DIP2B: variants seen among roughly 807,000 people sequenced by gnomAD.
DIP2B encodes disco-interacting protein 2 homolog B.
A neutral mutation model predicts 198.0 loss-of-function variants in DIP2B; 76 were observed. The observed-to-expected ratio is 0.38, with a 90% CI of 0.32 to 0.46. DIP2B has a LOEUF of 0.46. Among genes scored for constraint, DIP2B ranks in the 20% least tolerant of loss-of-function variants. The pLI, the probability that DIP2B is intolerant of heterozygous loss-of-function variation, is 0.99. For synonymous variants in DIP2B, 701 were observed against 739.1 expected, an observed-to-expected ratio of 0.95 and a Z score of 0.84; for missense variants, 1,559 against 1,978.4, an observed-to-expected ratio of 0.79 and a Z score of 4.02.
At chr12:50,674,814 C>T (rs891476526) in intron 6 of DIP2B, among the ~76,000 whole-genome samples, 185 bp downstream of exon 6, 9 of 152,198 alleles carry the variant, frequency 5.9e-5, no homozygotes, top group Non-Finnish European at 1.2e-4. Flanking sequence ...CTTAATTGAA[C>T]TTAGTGGATA....
chr12:50,686,250 G>T (rs1241738597), intron 11 of DIP2B, among the ~76,000 whole-genome samples: 1 of 152,064 alleles, frequency 6.6e-6, no homozygotes, highest in Non-Finnish European at 1.5e-5. Context: ...GTTGGAAAAA[G>T]CTACCACTCT....
At chr12:50,526,259 G>T (rs932645695) in intron 1 of DIP2B, among the ~76,000 whole-genome samples, 1 of 152,152 alleles carries the variant, frequency 6.6e-6, no homozygotes, top group African/African-American at 2.4e-5. Context: ...GGAAGGATGG[G>T]GACCCCTGTG....
intron 1 of DIP2B, among the ~76,000 whole-genome samples, chr12:50,550,749 G>T (rs77921900): frequency 0.014 from 2,089 of 152,222 alleles, 41 homozygotes; most frequent in African/African-American, 0.047. Context: ...CAGATACTGC[G>T]GACATAAATC....
intron 1 of DIP2B, among the ~76,000 whole-genome samples, chr12:50,592,818 G>A (rs1395198242): frequency 1.3e-5 from 2 of 152,156 alleles, no homozygotes; most frequent in Non-Finnish European, 2.9e-5. Context: ...ATAGTATGAT[G>A]CTTTTTTATA....
In DIP2B at chr12:50,693,012, C is replaced by A; in HGVS notation, c.1718C>A (p.Ala573Glu). 5 of 1,610,278 alleles carry A rather than the reference C, an allele frequency of 3.1e-6. No homozygotes were observed. Among genetic ancestry groups the A allele is most frequent in the Non-Finnish European group, 4.2e-6 (5 of 1,179,008 alleles). ...KDAGLWHGMF[A>E]NVMNKMHTIS... is the part of the protein sequence containing the mutation. Reference sequence around the variant, plus strand: ...GCTGGGCTGTGGCACGGCATGTTTGCGGTAAGCTACTCAGATTTAAGGCCC... The same window carrying A: ...GCTGGGCTGTGGCACGGCATGTTTGAGGTAAGCTACTCAGATTTAAGGCCC... Residue 573 changes from alanine to glutamate, a missense_variant and splice_region_variant, in exon 14 of 38, where the codon GCG becomes GAG. Ala to Glu is a moderately radical substitution (Grantham distance 107). Coordinates refer to ENST00000301180, the MANE Select transcript of DIP2B (RefSeq NM_173602.3).
Position 50,660,842 on chromosome 12 carries a change from A to ATG in DIP2B, c.427+535_427+536dup, listed in dbSNP as rs757629027. ...CTGCAAAACGTATATAAGTGTGTTT[A>ATG]TGTGTGTGTGTGTTAATGTATTTTG... On this transcript the variant is annotated intron_variant, in intron 4 of 37. Coordinates refer to ENST00000301180, the MANE Select transcript of DIP2B (RefSeq NM_173602.3). 4.6e-5 allele frequency among the ~76,000 whole-genome samples: 7 copies of ATG among 152,152 alleles called. No individual in the cohort carries two copies. In the South Asian group the frequency reaches 6.2e-4, roughly 14 times the overall value.
At chr12:50,655,040 G>A (rs1438382498) in intron 3 of DIP2B, 4 of 452,884 alleles carry the variant, frequency 8.8e-6, no homozygotes, top group Non-Finnish European at 1.8e-5. Flanking sequence ...TTACTCTGAA[G>A]GTAAGCCCTG....
intron 1 of DIP2B, among the ~76,000 whole-genome samples, chr12:50,603,061 G>A (rs2139444707): frequency 6.6e-6 from 1 of 151,682 alleles, no homozygotes; most frequent in African/African-American, 2.4e-5. Context: ...CTACTCGGGA[G>A]GCTGAGGCAG....
chr12:50,658,164 T>C (rs1938586473), intron 3 of DIP2B, among the ~76,000 whole-genome samples: 1 of 151,322 alleles, frequency 6.6e-6, no homozygotes, highest in Non-Finnish European at 1.5e-5. Context: ...TGAGACAGAG[T>C]CTTGCTCTGT....
chr12:50,656,128 G>A (rs1222524114), intron 3 of DIP2B, among the ~76,000 whole-genome samples: 1 of 152,160 alleles, frequency 6.6e-6, no homozygotes, highest in African/African-American at 2.4e-5. Flanking sequence ...AATTGGAAAT[G>A]GAGGTATTAA....
intron 4 of DIP2B, among the ~76,000 whole-genome samples, chr12:50,665,191 C>T (rs1222539881): frequency 6.6e-6 from 1 of 152,002 alleles, no homozygotes; most frequent in Non-Finnish European, 1.5e-5. Flanking sequence ...GGGATATTAT[C>T]CTTTTAACCT....
At chr12:50,670,718 G>T (rs902619686) in intron 4 of DIP2B, among the ~76,000 whole-genome samples, 3 of 152,012 alleles carry the variant, frequency 2.0e-5, no homozygotes, top group Non-Finnish European at 4.4e-5. Context: ...CGCCCGGCCT[G>T]GCACATACGT....
At chr12:50,574,588 CCAGT>C (rs1958642216) in intron 1 of DIP2B, among the ~76,000 whole-genome samples, 1 of 152,190 alleles carries the variant, frequency 6.6e-6, no homozygotes, top group Non-Finnish European at 1.5e-5. Context: ...CCCAAATTTA[CCAGT>C]CAGTCAGTTG....
chr12:50,581,948 AGTGTGAGAGCT>A (rs1217601053), intron 1 of DIP2B, among the ~76,000 whole-genome samples: 1 of 152,152 alleles, frequency 6.6e-6, no homozygotes, highest in African/African-American at 2.4e-5. Context: ...GGCAGAGCTC[AGTGTGAGAGCT>A]GTGCGAGCCT....
chr12:50,708,199 G>A (rs1382969760), intron 21 of DIP2B, among the ~76,000 whole-genome samples: 1 of 152,066 alleles, frequency 6.6e-6, no homozygotes, highest in Non-Finnish European at 1.5e-5. Context: ...TAACATATAA[G>A]TGCCACAAAG....
chr12:50,603,692 A>G (rs1280333470), intron 1 of DIP2B, among the ~76,000 whole-genome samples: 1 of 152,118 alleles, frequency 6.6e-6, no homozygotes, highest in African/African-American at 2.4e-5. Context: ...ACTGCACTCC[A>G]GCCTGGGCAA....
rs1274636642 is a variant in DIP2B at position 50,505,022 on chromosome 12, C to CGGCGGCGGCGGCGGCGGCGGT, written c.-117_-116insCGGCGGCGGCGGCGGCGGTGG. ...CTCATGGCGGCGGCGGCGGCGGCGG[C>CGGCGGCGGCGGCGGCGGCGGT]GGTGCTGGTGGTGCTCGGCGGCCGG... is the stretch of plus-strand genomic sequence containing the variant. On this transcript the variant is annotated 5_prime_UTR_variant, in exon 1 of 38. Transcript: ENST00000301180. 1.3e-5 allele frequency: 13 copies of CGGCGGCGGCGGCGGCGGCGGT among 1,001,338 alleles called. No individual in the cohort carries two copies. Among genetic ancestry groups the CGGCGGCGGCGGCGGCGGCGGT allele is most frequent in the Non-Finnish European group, 1.6e-5 (11 of 692,078 alleles). 62.0% of individuals were successfully genotyped at this position (1,001,338 alleles called of 1,614,324 possible). A position where few individuals can be genotyped will look rare whatever the true frequency, so the allele number is the denominator to read the frequency against.
At chr12:50,657,133 A>AT (rs1938567843) in intron 3 of DIP2B, 1 of 148,702 alleles carries the variant, frequency 6.7e-6, no homozygotes, top group East Asian at 2.0e-4. Context: ...CTGTAATCCT[A>AT]TTCACTTTTG....
chr12:50,538,569 C>T (rs1958290768), intron 1 of DIP2B, among the ~76,000 whole-genome samples: 1 of 152,026 alleles, frequency 6.6e-6, no homozygotes, highest in South Asian at 2.1e-4. Flanking sequence ...TCTCTTGATC[C>T]CCTTCTGTGA....
Sources: gnomAD v4.1 joint callset for allele counts (sites outside exome capture counted in the v4.1 genomes callset) on GRCh38, gnomAD v4.1.1 for gene constraint, MANE v1.5 for transcripts, NCBI Gene and HGNC (gene_info 2026-07-23, HGNC 2026-07-21) for gene names.